The following PCDHA5 variants were observed in gnomAD, a reference collection of about 807,000 sequenced individuals.
PCDHA5 encodes protocadherin alpha 5, also known as protocadherin alpha-5.
In PCDHA5, 43 loss-of-function variants were observed where a neutral mutation model predicts 61.6. That is an observed-to-expected ratio of 0.70 (90% CI 0.55 to 0.90). The LOEUF is 0.90. Ranked by LOEUF, PCDHA5 falls within the 40% of genes least tolerant of loss-of-function variation. PCDHA5 has a pLI of 0.00. For missense variants in PCDHA5, 1,298 were observed against 1,222.7 expected (o/e 1.06, Z -0.92); for synonymous variants, 627 against 543.9 (o/e 1.15, Z -2.13).
At chr5:140,913,243 G>T (rs1386908951) in intron 1 of PCDHA5, among the ~76,000 whole-genome samples, 1 of 152,112 alleles carries the variant, frequency 6.6e-6, no homozygotes, top group Non-Finnish European at 1.5e-5. Flanking sequence ...GAGACTTTTT[G>T]TTACAACTTT....
chr5:141,006,275 G>A (rs782763386), intron 3 of PCDHA5, among the ~76,000 whole-genome samples: 1 of 151,772 alleles, frequency 6.6e-6, no homozygotes. Flanking sequence ...GCAGTGGCAC[G>A]ATCTCAGCTC....
rs2150181122 is a variant in PCDHA5 at position 140,830,100 on chromosome 5, T to C, written c.2352+5973T>C. 6.2e-7 allele frequency: 1 copy of C among 1,613,448 alleles called. No homozygotes were observed. The highest frequency in any genetic ancestry group is 1.7e-5 in the Admixed American group (1 of 59,986). On this transcript the variant is annotated intron_variant, in intron 1 of 3. Coordinates refer to ENST00000529859, the MANE Select transcript of PCDHA5 (RefSeq NM_018908.3). ...ACGGCCACGGTTCTGGTGTCGCTGG[T>C]GGAGAGTGGCCAGGCTCCAAAGGCG...
intron 1 of PCDHA5, among the ~76,000 whole-genome samples, chr5:140,964,622 T>C (rs1435749865): frequency 2.0e-5 from 3 of 152,048 alleles, no homozygotes; most frequent in Non-Finnish European, 4.4e-5. Flanking sequence ...ATTCCACTTA[T>C]AAGCCATTTA....
chr5:140,857,913 G>A (rs559667430), intron 1 of PCDHA5: 1 of 1,597,802 alleles, frequency 6.3e-7, no homozygotes, highest in East Asian at 2.2e-5. Context: ...ATCCCGTTTC[G>A]CGTGGGGCTG....
At chr5:140,901,128 A>G (rs1429296842) in intron 1 of PCDHA5, among the ~76,000 whole-genome samples, 3 of 152,114 alleles carry the variant, frequency 2.0e-5, no homozygotes, top group South Asian at 2.1e-4. Flanking sequence ...TTAGATGGGT[A>G]GATTGTAAAT....
chr5:140,998,629 A>G (rs989469969), intron 3 of PCDHA5, among the ~76,000 whole-genome samples: 3 of 152,064 alleles, frequency 2.0e-5, no homozygotes, highest in African/African-American at 7.2e-5. Context: ...CAATGGCACA[A>G]TCTCAGCTCA....
In PCDHA5 at chr5:140,823,817, C is replaced by T; in HGVS notation, c.2042C>T (p.Ala681Val). ...SGQAPKASSR[A>V]SAGAVGPEAA... Reference sequence around the variant, plus strand: ...CAGGCGCCGAAGGCCTCATCGCGGGCGTCGGCGGGCGCTGTGGGTCCCGAG... The same window carrying T: ...CAGGCGCCGAAGGCCTCATCGCGGGTGTCGGCGGGCGCTGTGGGTCCCGAG... Residue 681 changes from alanine (A) to valine (V), a missense_variant, in exon 1 of 4, where the codon GCG becomes GTG. Coordinates refer to ENST00000529859, the MANE Select transcript of PCDHA5 (RefSeq NM_018908.3). 1 of 1,613,782 alleles carries T rather than the reference C, an allele frequency of 6.2e-7. No individual in the cohort carries two copies. Among genetic ancestry groups the T allele is most frequent in the Non-Finnish European group, 8.5e-7 (1 of 1,179,894 alleles).
At chr5:140,871,334 T>G (rs1554165439) in intron 1 of PCDHA5, 1 of 1,614,044 alleles carries the variant, frequency 6.2e-7, no homozygotes, top group African/African-American at 1.3e-5. Flanking sequence ...TCCCGCGCGG[T>G]GGGGAGCTGG....
intron 1 of PCDHA5, among the ~76,000 whole-genome samples, chr5:140,924,421 A>G (rs2081827627): frequency 6.6e-6 from 1 of 152,172 alleles, no homozygotes; most frequent in Non-Finnish European, 1.5e-5. Flanking sequence ...TGCCCTTTCT[A>G]GTTCCCTAGA....
At chr5:140,897,486 A>G (rs183789033) in intron 1 of PCDHA5, among the ~76,000 whole-genome samples, 2 of 151,962 alleles carry the variant, frequency 1.3e-5, no homozygotes, top group Admixed American at 6.5e-5. Flanking sequence ...ATGATTTCCA[A>G]TTTCAACCAT....
intron 1 of PCDHA5, among the ~76,000 whole-genome samples, chr5:140,903,774 C>A (rs1466112745): frequency 6.6e-6 from 1 of 152,122 alleles, no homozygotes; most frequent in African/African-American, 2.4e-5. Context: ...ACTTTTCTAT[C>A]CATAAACTAT....
intron 1 of PCDHA5, chr5:140,848,372 A>G: frequency 1.7e-6 from 2 of 1,150,006 alleles, no homozygotes; most frequent in South Asian, 3.0e-5. Context: ...AAGAGGCTCA[A>G]TTCTTTTTCA....
At chr5:140,974,879 A>G (rs1259634156) in intron 1 of PCDHA5, among the ~76,000 whole-genome samples, 1 of 152,212 alleles carries the variant, frequency 6.6e-6, no homozygotes, top group Non-Finnish European at 1.5e-5. Flanking sequence ...CAGTCTATGT[A>G]TCCCTTTTCT....
intron 1 of PCDHA5, 142 bp from the exon 2 acceptor site, chr5:140,978,807 A>T (rs1489269679): frequency 6.7e-7 from 1 of 1,494,726 alleles, no homozygotes; most frequent in Non-Finnish European, 8.9e-7. Context: ...AGATATCATC[A>T]TAGAGTTACA....
At position 140,857,660 on chromosome 5, in the gene PCDHA5, G is replaced by A. The variant is rs368920437; in HGVS notation, c.2352+33533G>A. 9 of 1,596,734 alleles carry A rather than the reference G, an allele frequency of 5.6e-6. 1 individual carries two copies. Among genetic ancestry groups the A allele is most frequent in the Non-Finnish European group, 7.7e-6 (9 of 1,167,798 alleles). On this transcript the variant is annotated intron_variant, in intron 1 of 3. Coordinates refer to ENST00000529859, the MANE Select transcript of PCDHA5 (RefSeq NM_018908.3). ...GCTACAGTTCCAGGTGAGCGCGCGC[G>A]ATGGGGGCGTGCCGCCTCTGGGCAG...
chr5:140,944,881 T>C (rs1554216593), intron 1 of PCDHA5, among the ~76,000 whole-genome samples: 1 of 152,180 alleles, frequency 6.6e-6, no homozygotes, highest in Non-Finnish European at 1.5e-5. Flanking sequence ...CCTACTCCAC[T>C]GTACAGTTCC....
At chr5:140,936,519 G>A (rs77875081) in intron 1 of PCDHA5, among the ~76,000 whole-genome samples, 2,263 of 152,276 alleles carry the variant, frequency 0.015, 25 homozygotes, top group Non-Finnish European at 0.022. Context: ...TAAATTACCT[G>A]AAATTGCTTT....
chr5:140,863,301 C>T lies in PCDHA5; in HGVS notation c.2352+39174C>T, dbSNP rs782465834. ...ATGTCAACGTGTACCTGATCATCGC[C>T]ATCTGCGTGGTGTCCAGCCTGTTAG... On this transcript the variant is annotated intron_variant, in intron 1 of 3. Coordinates refer to ENST00000529859, the MANE Select transcript of PCDHA5 (RefSeq NM_018908.3). The T allele has an allele frequency of 2.7e-6, 4 of 1,463,618 alleles. No homozygotes were observed. In the South Asian group the frequency reaches 4.5e-5, roughly 16 times the overall value. 90.7% of individuals were successfully genotyped at this position (1,463,618 alleles called of 1,614,324 possible).
At position 140,858,441 on chromosome 5, in the gene PCDHA5, G is replaced by C. The variant is rs782468673; in HGVS notation, c.2352+34314G>C. 13 of 1,537,092 alleles carry C rather than the reference G, an allele frequency of 8.5e-6. 2 individuals carry two copies. The South Asian group carries it at 1.2e-4, about 14-fold the overall frequency. ...GGAGGGGACCACTCTAGGAAGGTGG[G>C]TTATTACGTTTTCATTTTCCTTTTG... is the stretch of plus-strand genomic sequence containing the variant. On this transcript the variant is annotated intron_variant, in intron 1 of 3. Coordinates refer to ENST00000529859, the MANE Select transcript of PCDHA5 (RefSeq NM_018908.3).
Sources: allele counts gnomAD v4.1 joint callset (sites outside exome capture counted in the v4.1 genomes callset), GRCh38; gene constraint gnomAD v4.1.1; transcripts MANE v1.5; gene names NCBI Gene and HGNC (gene_info 2026-07-23, HGNC 2026-07-21).